The following RNGTT variants were observed in gnomAD, a reference collection of about 807,000 sequenced individuals.
RNGTT encodes mRNA-capping enzyme.
A neutral mutation model predicts 79.3 loss-of-function variants in RNGTT; 33 were observed. The observed-to-expected ratio is 0.42, with a 90% confidence interval of 0.32 to 0.56. RNGTT has a LOEUF of 0.56. Ranked by LOEUF, RNGTT falls within the 20% of genes least tolerant of loss-of-function variation. The pLI, the probability that RNGTT is intolerant of heterozygous loss-of-function variation, is 0.17. For missense variants in RNGTT, 497 were observed against 739.1 expected, an observed-to-expected ratio of 0.67 and a Z score of 3.80; for synonymous variants, 222 against 235.9, an observed-to-expected ratio of 0.94 and a Z score of 0.54.
At position 88,833,720 on chromosome 6, in the gene RNGTT, T is replaced by A. The variant is rs1381294551; in HGVS notation, c.1269+10637A>T. On this transcript the variant is annotated intron_variant, in intron 11 of 15. Transcript: ENST00000369485. ...GCAAAGTAACTGCCTCTTAATTATT[T>A]TGGAGGCCAATAACATCTTTTGACA... is the stretch of plus-strand genomic sequence containing the variant. 3.9e-5 allele frequency among the ~76,000 whole-genome samples: 6 copies of A among 152,250 alleles called. No individual in the cohort carries two copies. The East Asian group carries it at 1.2e-3, about 29-fold the overall frequency.
chr6:88,853,792 A>C, intron 8 of RNGTT, 28 bp from the exon 9 acceptor site: 1 of 1,414,758 alleles, frequency 7.1e-7, no homozygotes. Flanking sequence ...AAAAGCTAAT[A>C]TTTACAGTAT....
chr6:88,946,660 C>G (rs1333218226), intron 1 of RNGTT, among the ~76,000 whole-genome samples: 1 of 151,296 alleles, frequency 6.6e-6, no homozygotes, highest in Non-Finnish European at 1.5e-5. Flanking sequence ...CTCTCCCTCT[C>G]TCTCCCTCCC....
At chr6:88,711,549 A>T (rs56277084) in intron 13 of RNGTT, among the ~76,000 whole-genome samples, 22,553 of 152,170 alleles carry the variant, frequency 0.15, 5,549 homozygotes, top group African/African-American at 0.51. Context: ...AATTCCATGC[A>T]ATTCTGCTTA....
chr6:88,650,525 C>G (rs1773758004), intron 14 of RNGTT, among the ~76,000 whole-genome samples: 1 of 152,068 alleles, frequency 6.6e-6, no homozygotes, highest in Middle Eastern at 3.2e-3. Flanking sequence ...GCTATGCTCA[C>G]ACAAGGCATA....
At chr6:88,809,533 A>G (rs1780067753) in intron 11 of RNGTT, among the ~76,000 whole-genome samples, 1 of 152,184 alleles carries the variant, frequency 6.6e-6, no homozygotes, top group Non-Finnish European at 1.5e-5. Flanking sequence ...ATATTCTCTG[A>G]TCATAATGAA....
At chr6:88,920,009 G>C (rs1485559114) in intron 4 of RNGTT, among the ~76,000 whole-genome samples, 1 of 152,160 alleles carries the variant, frequency 6.6e-6, no homozygotes. Flanking sequence ...CTCAACTGGG[G>C]AAGATTTTGC....
At chr6:88,791,971 G>A (rs951929111) in intron 12 of RNGTT, among the ~76,000 whole-genome samples, 5 of 152,168 alleles carry the variant, frequency 3.3e-5, no homozygotes, top group Admixed American at 6.5e-5. Flanking sequence ...GATACTATTC[G>A]AGAAAACGGT....
Position 88,820,182 on chromosome 6 carries a change from A to C in RNGTT, c.1270-18550T>G, listed in dbSNP as rs552972209. 1.1e-4 allele frequency among the ~76,000 whole-genome samples: 16 copies of C among 152,254 alleles called. No homozygotes were observed. In the South Asian group the frequency reaches 2.5e-3, roughly 24 times the overall value. ...ACCAATTACCCAGTGAAAAAGTCTA[A>C]TTTTAACAATATATTACTGATGATG... On this transcript the variant is annotated intron_variant, in intron 11 of 15. Transcript: ENST00000369485.
chr6:88,811,247 A>G (rs749382071), intron 11 of RNGTT, among the ~76,000 whole-genome samples: 1 of 152,226 alleles, frequency 6.6e-6, no homozygotes, highest in Non-Finnish European at 1.5e-5. Context: ...AAATTCGAAG[A>G]TAATTGGATG....
chr6:88,788,000 T>C (rs1779287258), intron 12 of RNGTT, among the ~76,000 whole-genome samples: 1 of 152,196 alleles, frequency 6.6e-6, no homozygotes, highest in African/African-American at 2.4e-5. Flanking sequence ...ATAGAGTTTG[T>C]CTTTGATATG....
intron 14 of RNGTT, among the ~76,000 whole-genome samples, chr6:88,647,701 TAAA>T (rs746472579): frequency 4.0e-5 from 4 of 100,880 alleles, no homozygotes; most frequent in African/African-American, 1.0e-4. Flanking sequence ...GACACCCTGT[TAAA>T]AAAAAAAAAA....
At position 88,844,398 on chromosome 6, in the gene RNGTT, C is replaced by G. The variant is rs772588621; in HGVS notation, c.1228G>C (p.Val410Leu). 6.2e-7 allele frequency: 1 copy of G among 1,613,644 alleles called. No homozygotes were observed. Among genetic ancestry groups the G allele is most frequent in the Non-Finnish European group, 8.5e-7 (1 of 1,179,920 alleles). Residue 410 changes from valine (V) to leucine (L), a missense_variant, in exon 11 of 16, where the codon GTC (valine) becomes CTC (leucine). Physicochemically the swap from Val to Leu is conservative, Grantham distance 32 (BLOSUM62 1). Coordinates refer to ENST00000369485, the MANE Select transcript of RNGTT (RefSeq NM_003800.5). Reference sequence around the variant, plus strand: ...ATGTCAAAAAACGGCTTATTTCTGACGCTAAATGGTTCCTGTGTTTTGTCA... The same window carrying G: ...ATGTCAAAAAACGGCTTATTTCTGAGGCTAAATGGTTCCTGTGTTTTGTCA... The part of the protein sequence containing the change: ...LIDKTQEPFS[V>L]RNKPFFDICT...
chr6:88,735,251 T>G (rs998214828), intron 13 of RNGTT, among the ~76,000 whole-genome samples: 4 of 152,102 alleles, frequency 2.6e-5, no homozygotes, highest in Admixed American at 2.6e-4. Context: ...CAACATCCCC[T>G]TTTTAGTAAC....
intron 14 of RNGTT, among the ~76,000 whole-genome samples, chr6:88,644,895 C>T (rs1268637085): frequency 6.6e-6 from 1 of 152,186 alleles, no homozygotes; most frequent in Non-Finnish European, 1.5e-5. Flanking sequence ...CAGCCAATAT[C>T]ATACTGAATG....
chr6:88,673,888 A>G (rs1010877861), intron 14 of RNGTT, among the ~76,000 whole-genome samples: 1 of 152,220 alleles, frequency 6.6e-6, no homozygotes, highest in African/African-American at 2.4e-5. Flanking sequence ...CTTCAGCTCT[A>G]ATAAAGAGAA....
intron 14 of RNGTT, among the ~76,000 whole-genome samples, chr6:88,633,998 A>T (rs1328670624): frequency 2.0e-5 from 3 of 152,268 alleles, no homozygotes; most frequent in South Asian, 2.1e-4. Flanking sequence ...ACATACCAAT[A>T]ATTTTCTGCT....
At chr6:88,873,044 A>C (rs1190643941) in intron 8 of RNGTT, among the ~76,000 whole-genome samples, 1 of 152,194 alleles carries the variant, frequency 6.6e-6, no homozygotes, top group Non-Finnish European at 1.5e-5. Flanking sequence ...CTCTTCTCTA[A>C]AGAAACTGAA....
chr6:88,798,396 T>A (rs1779671814), intron 12 of RNGTT, among the ~76,000 whole-genome samples: 1 of 151,256 alleles, frequency 6.6e-6, no homozygotes, highest in Non-Finnish European at 1.5e-5. Flanking sequence ...ACCCAGGAGG[T>A]CGAGGCTGCA....
intron 13 of RNGTT, among the ~76,000 whole-genome samples, chr6:88,749,472 A>G (rs1582414236): frequency 6.7e-6 from 1 of 149,520 alleles, no homozygotes; most frequent in Middle Eastern, 3.4e-3. Flanking sequence ...TTGAGCAGGG[A>G]AAAAAAAATA....
Sources: gnomAD v4.1 joint callset for allele counts (sites outside exome capture counted in the v4.1 genomes callset) on GRCh38, gnomAD v4.1.1 for gene constraint, MANE v1.5 for transcripts, NCBI Gene and HGNC (gene_info 2026-07-23, HGNC 2026-07-21) for gene names.